The following MED12L variants were observed in gnomAD, a reference collection of about 807,000 sequenced individuals.
MED12L encodes mediator of RNA polymerase II transcription subunit 12-like protein.
MED12L carries 60 observed loss-of-function variants against 281.3 expected under a neutral mutation model. That is an observed-to-expected ratio of 0.21 (90% CI 0.17 to 0.26). The LOEUF (loss-of-function observed/expected upper bound fraction) is 0.26. MED12L is among the 10% of genes least tolerant of loss of function. MED12L has a pLI of 1.00. For missense variants in MED12L, 2,146 were observed against 2,680.9 expected (o/e 0.80, Z 4.41); for synonymous variants, 974 against 987.2 (o/e 0.99, Z 0.25).
At chr3:151,289,769 G>A (rs1363078368) in intron 16 of MED12L, among the ~76,000 whole-genome samples, 1 of 152,120 alleles carries the variant, frequency 6.6e-6, no homozygotes, top group Admixed American at 6.5e-5. Flanking sequence ...GGGGAACCTA[G>A]TATCTATTTG....
At chr3:151,403,197 G>GT (rs1478302564) in intron 39 of MED12L, among the ~76,000 whole-genome samples, 3 of 152,006 alleles carry the variant, frequency 2.0e-5, no homozygotes, top group Admixed American at 6.6e-5. Context: ...TTTAATGGAA[G>GT]TTTTTTTCTG....
chr3:151,239,952 T>C (rs558705733), intron 16 of MED12L, among the ~76,000 whole-genome samples: 2 of 152,352 alleles, frequency 1.3e-5, no homozygotes, highest in South Asian at 4.1e-4. Flanking sequence ...TCTTTCACTT[T>C]GTTTTCTTGA....
intron 16 of MED12L, chr3:151,328,193 T>C (rs1749883063): frequency 6.2e-7 from 1 of 1,612,956 alleles, no homozygotes; most frequent in African/African-American, 1.3e-5. Flanking sequence ...CAGTCTACAG[T>C]CAGTCTTATT....
intron 43 of MED12L, among the ~76,000 whole-genome samples, chr3:151,417,340 G>A (rs1321054830): frequency 6.6e-6 from 1 of 152,120 alleles, no homozygotes; most frequent in Admixed American, 6.6e-5. Flanking sequence ...TAGTACATGT[G>A]GAGGGATCAG....
intron 17 of MED12L, among the ~76,000 whole-genome samples, chr3:151,353,073 A>G (rs1252177456): frequency 1.3e-5 from 2 of 152,224 alleles, no homozygotes; most frequent in East Asian, 3.8e-4. Context: ...ATTCTTTTAC[A>G]TGAAGTTTTA....
At chr3:151,373,744 C>T (rs1344022075) in intron 27 of MED12L, among the ~76,000 whole-genome samples, 1 of 152,112 alleles carries the variant, frequency 6.6e-6, no homozygotes, top group African/African-American at 2.4e-5. Context: ...TTCATCCTAT[C>T]ACATCATTTG....
chr3:151,206,071 ATTTTTT>A lies in MED12L; in HGVS notation c.2250+12421_2250+12426del, dbSNP rs60866327. On this transcript the variant is annotated intron_variant, in intron 16 of 44. Transcript: ENST00000687756. ...CAGGGTTATGTTTTGAAAGAAAATAATTTTTTTTTTTTTTTTTTTTTGCACATAATA... is the reference window on the plus strand; with the variant it reads ...CAGGGTTATGTTTTGAAAGAAAATAATTTTTTTTTTTTTTTGCACATAATA... 2.2e-3 allele frequency among the ~76,000 whole-genome samples: 276 copies of A among 124,178 alleles called. 2 individuals carry two copies. Among genetic ancestry groups the A allele is most frequent in the Admixed American group, 7.2e-3 (85 of 11,764 alleles). 81.5% of individuals were successfully genotyped at this position (124,178 alleles called of 152,430 possible).
chr3:151,383,891 A>G lies in MED12L; in HGVS notation c.4790+3A>G. The G allele has an allele frequency of 6.2e-7, 1 of 1,610,330 alleles. No individual in the cohort carries two copies. Among genetic ancestry groups the G allele is most frequent in the Non-Finnish European group, 8.5e-7 (1 of 1,176,910 alleles). On this transcript the variant is annotated splice_donor_region_variant and intron_variant, in intron 34 of 44. Transcript: ENST00000687756. ...ACTGTTGACATGCACACTAACAAGTATGTTTTTATCACTTCACATTGATTT... is the reference window on the plus strand; with the variant it reads ...ACTGTTGACATGCACACTAACAAGTGTGTTTTTATCACTTCACATTGATTT...
intron 5 of MED12L, among the ~76,000 whole-genome samples, chr3:151,136,496 T>C (rs1716157960): frequency 6.6e-6 from 1 of 152,240 alleles, no homozygotes; most frequent in African/African-American, 2.4e-5. Context: ...ATTCACACTT[T>C]GCTTAGGCAT....
intron 3 of MED12L, among the ~76,000 whole-genome samples, chr3:151,117,888 C>T (rs188678124): frequency 2.0e-5 from 3 of 151,996 alleles, no homozygotes; most frequent in South Asian, 2.1e-4. Context: ...GTCAGGAGTT[C>T]GAGACCAGCC....
At position 151,190,919 on chromosome 3, in the gene MED12L, T is replaced by C; in HGVS notation, c.1956T>C (p.Asp652=). Reference sequence around the variant, plus strand: ...ATGAACACTATTCAAAGGACCATGATGTGAAAATGGAGGTATGGCCCTGGA... The same window carrying C: ...ATGAACACTATTCAAAGGACCATGACGTGAAAATGGAGGTATGGCCCTGGA... ...NADEHYSKDH[D]VKMEEQSIMA... Residue 652 remains aspartate, a synonymous_variant, in exon 14 of 45, where the codon GAT becomes GAC. Transcript: ENST00000687756. 1 of 1,614,048 alleles carries C rather than the reference T, an allele frequency of 6.2e-7. No individual in the cohort carries two copies. The highest frequency in any genetic ancestry group is 8.5e-7 in the Non-Finnish European group (1 of 1,179,964).
rs1713660653 is a variant in MED12L at position 151,387,880 on chromosome 3, C to T, written c.5159C>T (p.Pro1720Leu). ...DLFEGQKNPA[P>L]LSWAWFGTVR... The stretch of plus-strand genomic sequence containing the variant: ...TTTGAGGGTCAGAAGAACCCAGCTC[C>T]TTTGTCCTGGGCCTGGTTTGGGACA... The change falls in exon 37 of 45, where the codon CCT becomes CTT. Residue 1720 changes from proline (P) to leucine (L), a missense_variant. By Grantham distance (98) the Pro-to-Leu change is moderately conservative (BLOSUM62 -3). Around this residue, in one of 9 missense-constraint regions of MED12L, gnomAD observed 212 missense variants for 340.8 expected, o/e 0.62. Coordinates refer to ENST00000687756, the MANE Select transcript of MED12L (RefSeq NM_001393769.1). 1 of 1,614,022 alleles carries T rather than the reference C, an allele frequency of 6.2e-7. No individual in the cohort carries two copies. The highest frequency in any genetic ancestry group is 8.5e-7 in the Non-Finnish European group (1 of 1,180,020).
chr3:151,315,451 C>A (rs913407415), intron 16 of MED12L, among the ~76,000 whole-genome samples: 1 of 152,130 alleles, frequency 6.6e-6, no homozygotes, highest in African/African-American at 2.4e-5. Flanking sequence ...GATTTTCTGG[C>A]GGGATACTTT....
chr3:151,163,938 A>G lies in MED12L; in HGVS notation c.1153A>G (p.Thr385Ala), dbSNP rs1720342915. 6.2e-7 allele frequency: 1 copy of G among 1,613,604 alleles called. No homozygotes were observed. Among genetic ancestry groups the G allele is most frequent in the Non-Finnish European group, 8.5e-7 (1 of 1,179,762 alleles). Residue 385 changes from threonine to alanine, a missense_variant, in exon 9 of 45, where the codon ACA (threonine) becomes GCA (alanine). This residue lies in a region of MED12L where 722 missense variants were observed against 861.2 expected (regional missense o/e 0.84). Coordinates refer to ENST00000687756, the MANE Select transcript of MED12L (RefSeq NM_001393769.1). The part of the protein sequence containing the change: ...CPSALVWNYS[T>A]NENKSANPGS... ...AAGTGCCTTGGTGTGGAATTATTCCACAAATGAAAATAAGAGCGCAAACCC... is the reference window on the plus strand; with the variant it reads ...AAGTGCCTTGGTGTGGAATTATTCCGCAAATGAAAATAAGAGCGCAAACCC...
chr3:151,126,120 C>G (rs1035963361), intron 4 of MED12L, among the ~76,000 whole-genome samples: 13 of 148,220 alleles, frequency 8.8e-5, no homozygotes, highest in African/African-American at 3.0e-4. Flanking sequence ...ATGATCTTGG[C>G]TCACTGCAAC....
At position 151,390,061 on chromosome 3, in the gene MED12L, C is replaced by T. The variant is rs1441558074; in HGVS notation, c.5534C>T (p.Thr1845Ile). The part of the protein sequence containing the change: ...SSQMMHHPQS[T>I]LWGYNLVGQP... Reference sequence around the variant, plus strand: ...CAAATGATGCACCATCCACAGTCCACCTTGTGGGGTTACAACCTCGTGGGC... The same window carrying T: ...CAAATGATGCACCATCCACAGTCCATCTTGTGGGGTTACAACCTCGTGGGC... Residue 1845 changes from threonine to isoleucine, a missense_variant, in exon 38 of 45, where the codon ACC becomes ATC. This residue lies in a region of MED12L where 496 missense variants were observed against 512.0 expected (regional missense o/e 0.97). Transcript: ENST00000687756. The T allele has an allele frequency of 6.2e-6, 10 of 1,614,106 alleles. No homozygotes were observed. The highest frequency in any genetic ancestry group is 8.5e-6 in the Non-Finnish European group (10 of 1,179,946).
intron 43 of MED12L, among the ~76,000 whole-genome samples, chr3:151,424,344 G>A (rs1718609059): frequency 6.6e-6 from 1 of 152,210 alleles, no homozygotes; most frequent in Non-Finnish European, 1.5e-5. Flanking sequence ...GACTCTGCCG[G>A]ATGCAATGGC....
intron 43 of MED12L, among the ~76,000 whole-genome samples, chr3:151,427,812 T>C (rs1719041543): frequency 6.6e-6 from 1 of 152,240 alleles, no homozygotes; most frequent in Admixed American, 6.5e-5. Context: ...CATAGCAAGG[T>C]AACTATAGTT....
chr3:151,329,039 G>A (rs1435561591), intron 16 of MED12L: 2 of 1,475,156 alleles, frequency 1.4e-6, no homozygotes, highest in Non-Finnish European at 1.8e-6. Context: ...ACAAACAAAA[G>A]AAAACAAAAA....
Sources: gnomAD v4.1 joint callset for allele counts (sites outside exome capture counted in the v4.1 genomes callset) on GRCh38, gnomAD v4.1.1 for gene constraint, gnomAD v4.1.1 regional missense constraint, MANE v1.5 for transcripts, NCBI Gene and HGNC (gene_info 2026-07-23, HGNC 2026-07-21) for gene names.